ARID1B: variants seen among roughly 807,000 people sequenced by gnomAD.
ARID1B encodes the protein AT-rich interactive domain-containing protein 1B.
In ARID1B, 30 loss-of-function variants were observed where a neutral mutation model predicts 212.3. That is an observed-to-expected ratio of 0.14 (90% CI 0.11 to 0.19). The LOEUF (loss-of-function observed/expected upper bound fraction) is 0.19, where lower values mean the gene tolerates loss of function less well. ARID1B is among the 10% of genes least tolerant of loss of function. The pLI, the probability that ARID1B is intolerant of heterozygous loss-of-function variation, is 1.00. For missense variants in ARID1B, 2,891 were observed against 3,204.0 expected, an observed-to-expected ratio of 0.90 and a Z score of 2.36; for synonymous variants, 1,402 against 1,301.7, an observed-to-expected ratio of 1.08 and a Z score of -1.66.
intron 1 of ARID1B, among the ~76,000 whole-genome samples, chr6:156,800,379 A>T (rs1174776905): frequency 1.3e-5 from 2 of 152,308 alleles, no homozygotes; most frequent in East Asian, 3.9e-4. Context: ...ATCTAAGGTC[A>T]GGAGTTCAAG....
rs2128290562 is a variant in ARID1B, at chr6:157,167,096, A to G, written c.3146A>G (p.Tyr1049Cys). The change falls in exon 9 of 20, where the codon TAC (tyrosine) becomes TGC (cysteine). Residue 1049 changes from tyrosine to cysteine, a missense_variant. Physicochemically the swap from Tyr to Cys is radical, Grantham distance 194. Transcript: ENST00000636930. ...QSGLMASSSP[Y>C]SQPMNNSSSL... ...GGACTTATGGCTTCCAGCTCTCCCT[A>G]CAGCCAGCCCATGAACAACAGCTCT... 6.8e-6 allele frequency: 11 copies of G among 1,612,674 alleles called. No individual in the cohort carries two copies. Among genetic ancestry groups the G allele is most frequent in the Non-Finnish European group, 8.5e-6 (10 of 1,180,014 alleles).
chr6:156,778,958 C>CCGCG lies in ARID1B; in HGVS notation c.1278_1279insCGCG (p.Ala427ArgfsTer192). 1 of 1,272,686 alleles carries CCGCG rather than the reference C, an allele frequency of 7.9e-7. No individual in the cohort carries two copies. Among genetic ancestry groups the CCGCG allele is most frequent in the Non-Finnish European group, 9.8e-7 (1 of 1,018,246 alleles). 78.8% of individuals were successfully genotyped at this position (1,272,686 alleles called of 1,614,324 possible). On this transcript the variant is annotated frameshift_variant, in exon 1 of 20. Transcript: ENST00000636930. LOFTEE classifies it high-confidence loss of function. ...GAGCGGGAGCTGTGGCGGCGGCGGC[C>CCGCG]GCGGCGGCGGCGGCAGCAGCAGGAG...
chr6:156,980,295 C>G (rs1465528620), intron 4 of ARID1B, among the ~76,000 whole-genome samples: 5 of 151,916 alleles, frequency 3.3e-5, no homozygotes, highest in African/African-American at 1.2e-4. Flanking sequence ...CCACCCCGGC[C>G]CACACAATGA....
At chr6:157,096,074 A>T (rs1785602558) in intron 5 of ARID1B, among the ~76,000 whole-genome samples, 2 of 152,154 alleles carry the variant, frequency 1.3e-5, no homozygotes, top group Non-Finnish European at 2.9e-5. Flanking sequence ...TGGAACATCC[A>T]TCCCACTCTT....
chr6:157,090,703 C>T (rs763730544), intron 5 of ARID1B, among the ~76,000 whole-genome samples: 5 of 152,248 alleles, frequency 3.3e-5, no homozygotes, highest in Non-Finnish European at 5.9e-5. Flanking sequence ...GAGGCGCTCA[C>T]CTGCCACCTG....
At chr6:157,016,009 A>G (rs1779901079) in intron 4 of ARID1B, among the ~76,000 whole-genome samples, 1 of 152,188 alleles carries the variant, frequency 6.6e-6, no homozygotes, top group African/African-American at 2.4e-5. Flanking sequence ...CAGTTTGCTC[A>G]GGAGAAGGGT....
chr6:157,053,457 G>T (rs1259118904), intron 4 of ARID1B, among the ~76,000 whole-genome samples: 10 of 152,098 alleles, frequency 6.6e-5, no homozygotes, highest in Non-Finnish European at 1.5e-5. Context: ...GTCTTGACTG[G>T]TTTCTCTTGT....
chr6:156,837,065 T>C (rs1783564098), intron 2 of ARID1B, among the ~76,000 whole-genome samples: 1 of 152,252 alleles, frequency 6.6e-6, no homozygotes, highest in Admixed American at 6.5e-5. Flanking sequence ...CCACATTCTT[T>C]TTAAAAGAGA....
At chr6:157,059,037 AAG>A (rs1783161378) in intron 4 of ARID1B, among the ~76,000 whole-genome samples, 1 of 152,096 alleles carries the variant, frequency 6.6e-6, no homozygotes, top group East Asian at 1.9e-4. Context: ...GTTATAGCCA[AAG>A]GTACTTCAGC....
intron 4 of ARID1B, among the ~76,000 whole-genome samples, chr6:156,995,597 A>G (rs1778539488): frequency 6.6e-6 from 1 of 152,224 alleles, no homozygotes; most frequent in Non-Finnish European, 1.5e-5. Context: ...CCTGCTACTT[A>G]GTAACCTTTT....
chr6:157,206,210 G>A lies in ARID1B; in HGVS notation c.5438G>A (p.Cys1813Tyr), dbSNP rs1256511542. 1 of 1,614,132 alleles carries A rather than the reference G, an allele frequency of 6.2e-7. No homozygotes were observed. The highest frequency in any genetic ancestry group is 8.5e-7 in the Non-Finnish European group (1 of 1,180,026). Reference sequence around the variant, plus strand: ...CTTTTAGTCGAGTACTTTAGAAAATGCCTGATTGACATTTTTGGAATTCTT... The same window carrying A: ...CTTTTAGTCGAGTACTTTAGAAAATACCTGATTGACATTTTTGGAATTCTT... ...LELLVEYFRK[C>Y]LIDIFGILME... The change falls in exon 20 of 20, where the codon TGC (cysteine) becomes TAC (tyrosine). Residue 1813 changes from cysteine to tyrosine, a missense_variant. Cys to Tyr is a radical substitution (Grantham distance 194, BLOSUM62 -2). Around this residue, in one of 7 missense-constraint regions of ARID1B, gnomAD observed 332 missense variants for 369.2 expected, o/e 0.90. Transcript: ENST00000636930. This position sits in a 1 kb window ranked among gnomAD's most constrained non-coding sequence, Gnocchi z 6.8.
intron 2 of ARID1B, among the ~76,000 whole-genome samples, chr6:156,832,945 C>T (rs1783245866): frequency 6.6e-6 from 1 of 152,150 alleles, no homozygotes. Flanking sequence ...TGGTCTTTCA[C>T]TTGCCAGTTC....
At chr6:156,805,063 C>G (rs1781061240) in intron 1 of ARID1B, among the ~76,000 whole-genome samples, 1 of 152,092 alleles carries the variant, frequency 6.6e-6, no homozygotes, top group Admixed American at 6.5e-5. Context: ...CTTACCAACC[C>G]TTGGATGTTT....
chr6:156,780,246 G>A (rs1174070429), intron 1 of ARID1B: 1 of 152,188 alleles, frequency 6.6e-6, no homozygotes. Context: ...AGCACGTTCC[G>A]GATCAATTGA....
chr6:156,928,789 T>C (rs1250709118), intron 3 of ARID1B, among the ~76,000 whole-genome samples: 1 of 152,232 alleles, frequency 6.6e-6, no homozygotes, highest in Non-Finnish European at 1.5e-5. Flanking sequence ...TTCACACCTG[T>C]GGAAGAGAAT....
intron 9 of ARID1B, chr6:157,167,446 A>G (rs1457105296): frequency 6.5e-6 from 2 of 309,378 alleles, no homozygotes; most frequent in African/African-American, 4.3e-5. Flanking sequence ...GAGATTGTTA[A>G]ATATGCACAC....
intron 3 of ARID1B, among the ~76,000 whole-genome samples, chr6:156,917,259 G>A (rs1790433623): frequency 6.6e-6 from 1 of 152,180 alleles, no homozygotes; most frequent in African/African-American, 2.4e-5. Context: ...GGATTCTTAA[G>A]AGAAATAATG....
chr6:157,007,606 A>G (rs1196619497), intron 4 of ARID1B, among the ~76,000 whole-genome samples: 3 of 152,252 alleles, frequency 2.0e-5, no homozygotes, highest in African/African-American at 7.2e-5. Flanking sequence ...GTAGAGAATT[A>G]TAAGAAATGA....
At chr6:157,065,436 A>T (rs1783615012) in intron 4 of ARID1B, among the ~76,000 whole-genome samples, 1 of 152,228 alleles carries the variant, frequency 6.6e-6, no homozygotes, top group Non-Finnish European at 1.5e-5. Context: ...ATTTTAAATT[A>T]AAAAACCGTC....
Sources: gnomAD v4.1 joint callset for allele counts (sites outside exome capture counted in the v4.1 genomes callset) on GRCh38, gnomAD v4.1.1 for gene constraint, gnomAD v4.1.1 regional missense constraint, Gnocchi (gnomAD v3.1) non-coding constraint, MANE v1.5 for transcripts, NCBI Gene and HGNC (gene_info 2026-07-23, HGNC 2026-07-21) for gene names.